The following PHF24 variants were observed in gnomAD, a reference collection of about 807,000 sequenced individuals.
PHF24 encodes PHD finger protein 24, also known as Galpha inhibitory interacting protein.
PHF24 carries 25 observed loss-of-function variants against 42.6 expected under a neutral mutation model. That is an observed-to-expected ratio of 0.59 (90% confidence interval 0.43 to 0.82). The LOEUF is 0.82. Among genes scored for constraint, PHF24 ranks in the 40% least tolerant of loss-of-function variants. The probability of loss-of-function intolerance (pLI) is 0.00; values close to 1 mark genes in which losing one functional copy is unlikely to be tolerated. For missense variants in PHF24, 470 were observed against 538.1 expected, an observed-to-expected ratio of 0.87 and a Z score of 1.25; for synonymous variants, 185 against 204.8, an observed-to-expected ratio of 0.90 and a Z score of 0.83.
chr9:34,810,180 C>T, the PHF24 span, among the ~76,000 whole-genome samples: 2 of 152,030 alleles, frequency 1.3e-5, no homozygotes, highest in African/African-American at 4.8e-5. Context: ...ACGGGGGCGG[C>T]GGGACCGGGC....
the PHF24 span, among the ~76,000 whole-genome samples, chr9:34,762,860 G>T: frequency 2.4e-4 from 37 of 152,108 alleles, no homozygotes; most frequent in African/African-American, 7.7e-4. Context: ...AATCCATCTC[G>T]AATTAATTTT....
the PHF24 span, chr9:34,690,021 A>G: frequency 6.2e-7 from 1 of 1,613,886 alleles, no homozygotes. Context: ...CAGTGTGGTG[A>G]ACCTGGGGTG....
the PHF24 span, among the ~76,000 whole-genome samples, chr9:34,738,150 A>G: frequency 1.7e-3 from 265 of 152,274 alleles, no homozygotes; most frequent in African/African-American, 5.8e-3. Flanking sequence ...TAGATGATCC[A>G]GCACCAGCAT....
the PHF24 span, among the ~76,000 whole-genome samples, chr9:34,770,832 G>A: frequency 2.0e-5 from 3 of 151,374 alleles, no homozygotes; most frequent in East Asian, 1.9e-4. Context: ...AATTTATTGT[G>A]GCCGGGCATG....
chr9:34,932,232 C>G, the PHF24 span, among the ~76,000 whole-genome samples: 2 of 152,148 alleles, frequency 1.3e-5, no homozygotes, highest in Non-Finnish European at 2.9e-5. Context: ...TGTTTGCAAC[C>G]CCAAGCCATG....
At chr9:34,901,625 G>A in the PHF24 span, among the ~76,000 whole-genome samples, 2 of 152,124 alleles carry the variant, frequency 1.3e-5, no homozygotes, top group African/African-American at 4.8e-5. Flanking sequence ...GGGGTCGGGC[G>A]TGGTGACTGG....
At chr9:34,756,669 T>G in the PHF24 span, among the ~76,000 whole-genome samples, 1 of 152,188 alleles carries the variant, frequency 6.6e-6, no homozygotes, top group Non-Finnish European at 1.5e-5. Flanking sequence ...TTGTTCTTTT[T>G]GCTCAGGATT....
At chr9:34,768,948 A>G in the PHF24 span, among the ~76,000 whole-genome samples, 1 of 152,130 alleles carries the variant, frequency 6.6e-6, no homozygotes, top group Non-Finnish European at 1.5e-5. Context: ...GTAGCAGAAT[A>G]TAAAAATTAA....
the PHF24 span, among the ~76,000 whole-genome samples, chr9:34,731,450 G>A: frequency 1.3e-5 from 2 of 149,224 alleles, no homozygotes; most frequent in African/African-American, 2.5e-5. Flanking sequence ...ACCTCACCCC[G>A]CTACCTTTCC....
At chr9:34,955,569 C>T (rs1006762639), upstream of PHF24, among the ~76,000 whole-genome samples, 5 of 152,076 alleles carry the variant, frequency 3.3e-5, no homozygotes, top group Admixed American at 6.6e-5. Context: ...CCTAGCTATT[C>T]GGGAGGCTGA....
At chr9:34,740,506 GGCAGGGCCAGCCGGCTGCTCCGAGT>G in the PHF24 span, among the ~76,000 whole-genome samples, 2 of 152,230 alleles carry the variant, frequency 1.3e-5, no homozygotes, top group Non-Finnish European at 2.9e-5. Flanking sequence ...GCCCGGGGCC[GGCAGGGCCAGCCGGCTGCTCCGAGT>G]GCAGGGCCCG....
chr9:34,832,823 G>A, the PHF24 span: 1 of 1,551,604 alleles, frequency 6.4e-7, no homozygotes, highest in Non-Finnish European at 8.7e-7. Context: ...GGGCACCACA[G>A]TCTGGGTATT....
the PHF24 span, among the ~76,000 whole-genome samples, chr9:34,684,923 G>A: frequency 1.3e-5 from 2 of 152,266 alleles, no homozygotes; most frequent in East Asian, 3.9e-4. Flanking sequence ...AAGACCCAAA[G>A]GCCCTAGAAG....
chr9:34,776,800 G>C, the PHF24 span, among the ~76,000 whole-genome samples: 2 of 151,986 alleles, frequency 1.3e-5, no homozygotes, highest in Admixed American at 1.3e-4. Context: ...ATTGATGTCT[G>C]CACAATTGGG....
At chr9:34,923,902 A>T in the PHF24 span, among the ~76,000 whole-genome samples, 1 of 150,666 alleles carries the variant, frequency 6.6e-6, no homozygotes, top group Non-Finnish European at 1.5e-5. Flanking sequence ...TAGTTTGTTT[A>T]TTTGAAGTTT....
chr9:34,766,803 GCT>G, the PHF24 span, among the ~76,000 whole-genome samples: 1 of 152,266 alleles, frequency 6.6e-6, no homozygotes, highest in Middle Eastern at 3.4e-3. Flanking sequence ...CAGTTTTTCT[GCT>G]CTGTTTTTTT....
the PHF24 span, among the ~76,000 whole-genome samples, chr9:34,797,997 CTA>C: frequency 2.6e-5 from 4 of 152,026 alleles, no homozygotes; most frequent in African/African-American, 4.8e-5. Context: ...AACAACCAAA[CTA>C]TAATTATAGA....
the PHF24 span, among the ~76,000 whole-genome samples, chr9:34,821,067 A>G: frequency 6.6e-6 from 1 of 152,134 alleles, no homozygotes; most frequent in Non-Finnish European, 1.5e-5. Context: ...CTTTGCCCAT[A>G]AAGTGGGCTT....
exon 2 of PHF24, chr9:34,971,539 C>A: frequency 6.2e-7 from 1 of 1,614,112 alleles, no homozygotes; most frequent in Non-Finnish European, 8.5e-7. Context: ...AGCCTGGGAG[C>A]GGCTCCGAGA....
Sources: allele counts gnomAD v4.1 joint callset (sites outside exome capture counted in the v4.1 genomes callset), GRCh38; gene constraint gnomAD v4.1.1; transcripts MANE v1.5; gene names NCBI Gene and HGNC (gene_info 2026-07-23, HGNC 2026-07-21).